TBC1D23: variants seen among roughly 807,000 people sequenced by gnomAD.
TBC1D23 encodes HCV non-structural protein 4A-transactivated protein 1.
Under a neutral mutation model 91.4 loss-of-function variants are expected in TBC1D23, and 55 were observed. The observed-to-expected ratio is 0.60, with a 90% confidence interval of 0.48 to 0.75. TBC1D23 has a LOEUF of 0.75. TBC1D23 is among the 30% of genes least tolerant of loss of function. The probability of loss-of-function intolerance (pLI) is 0.00; values close to 1 mark genes in which losing one functional copy is unlikely to be tolerated. For synonymous variants in TBC1D23, 289 were observed against 281.0 expected (o/e 1.03, Z -0.28); for missense variants, 725 against 836.1 (o/e 0.87, Z 1.64).
At chr3:100,297,045 C>G (rs1038182022) in intron 8 of TBC1D23, among the ~76,000 whole-genome samples, 7 of 151,748 alleles carry the variant, frequency 4.6e-5, no homozygotes, top group Admixed American at 4.6e-4. Flanking sequence ...ATAAAGGACA[C>G]CAGATTAGAA....
At chr3:100,316,322 T>C in intron 16 of TBC1D23, 135 bp downstream of exon 16, 1 of 685,068 alleles carries the variant, frequency 1.5e-6, no homozygotes, top group Non-Finnish European at 2.5e-6. Context: ...ATCTGTGGCT[T>C]TCTATTAAGA....
rs1335668657 is a variant in TBC1D23, at chr3:100,324,165, C to T, written c.*497C>T. ...TAATTCACTCACTGTTTCTATTCTT[C>T]TTAAAAAGAGTGAAATCTTTTTAAT... is the stretch of plus-strand genomic sequence containing the variant. On this transcript the variant is annotated 3_prime_UTR_variant, in exon 19 of 19. Coordinates refer to ENST00000394144, the MANE Select transcript of TBC1D23 (RefSeq NM_001199198.3). 2 of 152,156 alleles carry T rather than the reference C, an allele frequency of 1.3e-5. No individual in the cohort carries two copies. Among genetic ancestry groups the T allele is most frequent in the Non-Finnish European group, 2.9e-5 (2 of 68,012 alleles). 9.4% of individuals were successfully genotyped at this position (152,156 alleles called of 1,614,324 possible).
intron 4 of TBC1D23, among the ~76,000 whole-genome samples, chr3:100,286,071 C>T (rs1375246070): frequency 6.6e-6 from 1 of 152,118 alleles, no homozygotes; most frequent in Non-Finnish European, 1.5e-5. Context: ...GGATGGAGAA[C>T]CTCTGTGCTA....
In TBC1D23 at chr3:100,316,180, C is replaced by T. The variant is rs748757335; in HGVS notation, c.1680C>T (p.Tyr560=). The change falls in exon 16 of 19, where the codon TAC becomes TAT. Residue 560 remains tyrosine (Y), a synonymous_variant. Transcript: ENST00000394144. ...PVFSIGDEEE[Y]DTDEIDSSSM... The stretch of plus-strand genomic sequence containing the variant: ...TCAGCATTGGGGATGAAGAAGAATA[C>T]GACACAGGTGTAGTAATACACTTAG... The T allele has an allele frequency of 1.2e-5, 20 of 1,611,662 alleles. No homozygotes were observed. Among genetic ancestry groups the T allele is most frequent in the Middle Eastern group, 1.6e-4 (1 of 6,080 alleles).
intron 15 of TBC1D23, 30 bp downstream of exon 15, chr3:100,311,907 A>G (rs1323947496): frequency 8.1e-6 from 12 of 1,487,526 alleles, no homozygotes; most frequent in Non-Finnish European, 1.0e-5. Flanking sequence ...ATTTTTCTTG[A>G]ACCATCCTTT....
intron 1 of TBC1D23, among the ~76,000 whole-genome samples, chr3:100,273,731 C>G (rs2129201): frequency 1.3e-5 from 2 of 152,166 alleles, no homozygotes; most frequent in African/African-American, 4.8e-5. Flanking sequence ...CTACAACTGT[C>G]TGATCTTCAA....
chr3:100,323,391 C>T (rs544713114), intron 18 of TBC1D23, among the ~76,000 whole-genome samples, 196 bp from the exon 19 acceptor site: 19 of 152,178 alleles, frequency 1.2e-4, no homozygotes, highest in Admixed American at 1.2e-3. Flanking sequence ...GATTTTCTTT[C>T]GAAATAAGCT....
At chr3:100,304,810 G>A in intron 11 of TBC1D23, 36 bp from the exon 12 acceptor site, 1 of 1,102,668 alleles carries the variant, frequency 9.1e-7, no homozygotes, top group Non-Finnish European at 1.4e-6. Context: ...TTAAGTCGCA[G>A]TTTTGGAAGA....
rs763446543 is a variant in TBC1D23, at chr3:100,310,476, C to T, written c.1487C>T (p.Thr496Ile). The T allele has an allele frequency of 1.2e-6, 2 of 1,613,304 alleles. No individual in the cohort carries two copies. The highest frequency in any genetic ancestry group is 1.1e-5 in the South Asian group (1 of 91,046). Residue 496 changes from threonine (T) to isoleucine (I), a missense_variant, in exon 14 of 19, where the codon ACA (threonine) becomes ATA (isoleucine). Thr to Ile is a moderately conservative substitution (Grantham distance 89). Coordinates refer to ENST00000394144, the MANE Select transcript of TBC1D23 (RefSeq NM_001199198.3). ...LVNKMTVALK[T>I]KSVNVREKVI... The stretch of plus-strand genomic sequence containing the variant: ...AATAAAATGACTGTGGCTTTGAAGA[C>T]AAAATCCGTTAATGTCAGGGAAAAA...
chr3:100,319,218 T>C lies in TBC1D23; in HGVS notation c.1823+14T>C. 6.3e-7 allele frequency: 1 copy of C among 1,594,096 alleles called. No individual in the cohort carries two copies. Among genetic ancestry groups the C allele is most frequent in the Non-Finnish European group, 8.5e-7 (1 of 1,172,554 alleles). On this transcript the variant is annotated intron_variant, in intron 17 of 18. Transcript: ENST00000394144. ...CATGTTTCCCAGGTACTTTTAAAAATGTCTTCATAAGAAGTAAAATTGAAT... is the reference window on the plus strand; with the variant it reads ...CATGTTTCCCAGGTACTTTTAAAAACGTCTTCATAAGAAGTAAAATTGAAT...
intron 13 of TBC1D23, among the ~76,000 whole-genome samples, chr3:100,308,949 G>A (rs1705568255): frequency 6.6e-6 from 1 of 152,198 alleles, no homozygotes; most frequent in Non-Finnish European, 1.5e-5. Flanking sequence ...AGCCATGCAT[G>A]GTGGCTCATG....
chr3:100,292,983 G>C (rs191291449), intron 5 of TBC1D23, among the ~76,000 whole-genome samples: 4 of 152,174 alleles, frequency 2.6e-5, no homozygotes, highest in Non-Finnish European at 5.9e-5. Flanking sequence ...TTTTTCTTAG[G>C]CATTTTAATA....
intron 12 of TBC1D23, among the ~76,000 whole-genome samples, chr3:100,305,398 G>T (rs1464963527): frequency 5.9e-5 from 9 of 152,084 alleles, no homozygotes; most frequent in South Asian, 4.2e-4. Flanking sequence ...CAGGATCTCT[G>T]CAGGCAAGTA....
At chr3:100,296,543 T>C (rs1030662535) in intron 8 of TBC1D23, among the ~76,000 whole-genome samples, 20 of 152,166 alleles carry the variant, frequency 1.3e-4, no homozygotes, top group African/African-American at 4.8e-4. Flanking sequence ...ATTTTCTAAA[T>C]TAGTGCTTTC....
intron 4 of TBC1D23, chr3:100,284,015 A>G (rs1314308345): frequency 3.9e-6 from 2 of 514,428 alleles, no homozygotes; most frequent in African/African-American, 3.8e-5. Context: ...TACTTCTGAA[A>G]CAGTGGTTAT....
chr3:100,296,595 C>T (rs989322268), intron 8 of TBC1D23, among the ~76,000 whole-genome samples: 6 of 151,364 alleles, frequency 4.0e-5, no homozygotes, highest in African/African-American at 1.2e-4. Context: ...CGTGGTGGCT[C>T]ACGCCTGTAA....
In TBC1D23 at chr3:100,279,657, A is replaced by G. The variant is rs1407119374; in HGVS notation, c.62A>G (p.Asp21Gly). Residue 21 changes from aspartate (D) to glycine (G), a missense_variant, in exon 2 of 19, where the codon GAT (aspartate) becomes GGT (glycine). Coordinates refer to ENST00000394144, the MANE Select transcript of TBC1D23 (RefSeq NM_001199198.3). ...PTSSGDGWEKDLEEALEAGGC... is the reference protein window; with the variant it reads ...PTSSGDGWEKGLEEALEAGGC... ...TAGGACTTATTTTTTAGGGAAAAAG[A>G]TCTTGAAGAAGCTCTGGAAGCAGGA... is the stretch of plus-strand genomic sequence containing the variant. 1 of 1,593,658 alleles carries G rather than the reference A, an allele frequency of 6.3e-7. No homozygotes were observed. Among genetic ancestry groups the G allele is most frequent in the Non-Finnish European group, 8.6e-7 (1 of 1,167,248 alleles).
chr3:100,286,025 T>C (rs770237015), intron 4 of TBC1D23, among the ~76,000 whole-genome samples: 4 of 152,180 alleles, frequency 2.6e-5, no homozygotes, highest in African/African-American at 4.8e-5. Context: ...GGTATAGATA[T>C]TTTTAAATCT....
At position 100,281,797 on chromosome 3, in the gene TBC1D23, T is replaced by C. The variant is rs775052941; in HGVS notation, c.221T>C (p.Leu74Ser). Residue 74 changes from leucine to serine, a missense_variant, in exon 3 of 19, where the codon TTA (leucine) becomes TCA (serine). Leu to Ser is a moderately radical substitution (Grantham distance 145). Coordinates refer to ENST00000394144, the MANE Select transcript of TBC1D23 (RefSeq NM_001199198.3). ...GDSLASWDGILDLPEQNTIHK... is the reference protein window; with the variant it reads ...GDSLASWDGISDLPEQNTIHK... ...AGTTTGGCATCATGGGATGGTATTT[T>C]AGACTTGCCAGAACAGAACACTATT... The C allele has an allele frequency of 9.9e-6, 16 of 1,613,270 alleles. No individual in the cohort carries two copies. Among genetic ancestry groups the C allele is most frequent in the Non-Finnish European group, 1.1e-5 (13 of 1,179,506 alleles).
Sources: allele counts gnomAD v4.1 joint callset (sites outside exome capture counted in the v4.1 genomes callset), GRCh38; gene constraint gnomAD v4.1.1; transcripts MANE v1.5; gene names NCBI Gene and HGNC (gene_info 2026-07-23, HGNC 2026-07-21).